SHC4: variants seen among roughly 807,000 people sequenced by gnomAD.
The protein encoded by SHC4 is SHC adaptor protein 4, also known as SHC-transforming protein 4.
In SHC4, 41 loss-of-function variants were observed where a neutral mutation model predicts 69.4. That is an observed-to-expected ratio of 0.59 (90% CI 0.46 to 0.77). The LOEUF is 0.77. SHC4 is among the 30% of genes least tolerant of loss of function. The pLI is 0.00. For synonymous variants in SHC4, 318 were observed against 299.3 expected (o/e 1.06, Z -0.64); for missense variants, 777 against 783.8 (o/e 0.99, Z 0.10).
At chr15:48,949,349 C>G (rs953885488) in intron 1 of SHC4, among the ~76,000 whole-genome samples, 1 of 144,884 alleles carries the variant, frequency 6.9e-6, no homozygotes, top group Non-Finnish European at 1.5e-5. Flanking sequence ...CCAGCCTGGG[C>G]GACAGAGTGA....
At position 48,872,207 on chromosome 15, in the gene SHC4, C is replaced by T. The variant is rs1899690714; in HGVS notation, c.841-65G>A. ...TTATTTCTAGTTATATACAGTCTAA[C>T]AGTAATAGACATACATTTGTTTGTT... On this transcript the variant is annotated intron_variant, in intron 4 of 11. Coordinates refer to ENST00000332408, the MANE Select transcript of SHC4 (RefSeq NM_203349.4). 3 of 953,570 alleles carry T rather than the reference C, an allele frequency of 3.1e-6. No homozygotes were observed. The African/African-American group carries it at 5.2e-5, about 16-fold the overall frequency. The allele number at this position is 953,570 out of a possible 1,614,324, so 59.1% of individuals were successfully genotyped here. A position where few individuals can be genotyped will look rare whatever the true frequency, so the allele number is the denominator to read the frequency against.
intron 1 of SHC4, among the ~76,000 whole-genome samples, chr15:48,959,519 C>A (rs1431463948): frequency 6.6e-6 from 1 of 152,128 alleles, no homozygotes; most frequent in Non-Finnish European, 1.5e-5. Flanking sequence ...GAGGAGCAGT[C>A]ACATGATATG....
At chr15:48,885,996 C>T (rs1471186107) in intron 3 of SHC4, among the ~76,000 whole-genome samples, 1 of 152,198 alleles carries the variant, frequency 6.6e-6, no homozygotes, top group African/African-American at 2.4e-5. Flanking sequence ...CGGTGGCTCA[C>T]GCCTGTAATC....
chr15:48,828,698 T>A (rs555462125), intron 11 of SHC4, among the ~76,000 whole-genome samples: 1 of 152,310 alleles, frequency 6.6e-6, no homozygotes, highest in South Asian at 2.1e-4. Flanking sequence ...ATAATGGCCA[T>A]CTTAACAAGT....
intron 3 of SHC4, among the ~76,000 whole-genome samples, chr15:48,887,790 A>C (rs1900062162): frequency 6.6e-6 from 1 of 152,218 alleles, no homozygotes; most frequent in Non-Finnish European, 1.5e-5. Flanking sequence ...AAAGACTCAA[A>C]TTACTAAAAT....
chr15:48,850,669 T>C (rs1383004205), intron 9 of SHC4, among the ~76,000 whole-genome samples: 1 of 152,226 alleles, frequency 6.6e-6, no homozygotes, highest in East Asian at 1.9e-4. Flanking sequence ...AAAAGTTTTG[T>C]CCAACATCAA....
intron 10 of SHC4, among the ~76,000 whole-genome samples, chr15:48,841,071 A>T (rs927615295): frequency 5.9e-5 from 9 of 152,212 alleles, no homozygotes; most frequent in African/African-American, 2.2e-4. Flanking sequence ...ACAAAAGGCA[A>T]AGTTCCTTTG....
intron 1 of SHC4, among the ~76,000 whole-genome samples, chr15:48,940,389 C>T (rs1901153128): frequency 6.6e-6 from 1 of 152,196 alleles, no homozygotes; most frequent in South Asian, 2.1e-4. Context: ...CCTAAAATCA[C>T]ACAAATCTGA....
chr15:48,877,707 A>T (rs1399531515), intron 4 of SHC4: 1 of 352,432 alleles, frequency 2.8e-6, no homozygotes, highest in Non-Finnish European at 4.0e-6. Context: ...CACTAAAAGG[A>T]CAAAATGGAT....
chr15:48,920,935 A>G (rs946436418), intron 2 of SHC4, among the ~76,000 whole-genome samples: 21 of 151,882 alleles, frequency 1.4e-4, no homozygotes, highest in African/African-American at 4.4e-4. Context: ...GAAGAAGAAG[A>G]AGGAGGAGAA....
chr15:48,952,648 T>G (rs759197174), intron 1 of SHC4, among the ~76,000 whole-genome samples: 3 of 152,176 alleles, frequency 2.0e-5, no homozygotes, highest in Non-Finnish European at 4.4e-5. Context: ...AAAGAAGACA[T>G]CCATGTGGCC....
At chr15:48,865,866 C>T (rs1246802121) in intron 6 of SHC4, among the ~76,000 whole-genome samples, 1 of 152,212 alleles carries the variant, frequency 6.6e-6, no homozygotes, top group Non-Finnish European at 1.5e-5. Flanking sequence ...CAGGGGCTTT[C>T]AAAGTGAATG....
chr15:48,962,199 C>G (rs1016012076), intron 1 of SHC4, among the ~76,000 whole-genome samples: 2 of 152,182 alleles, frequency 1.3e-5, no homozygotes, highest in Admixed American at 1.3e-4. Context: ...AGTTCATGTC[C>G]TACAAGTTAG....
At chr15:48,912,258 T>A (rs552282260) in intron 2 of SHC4, among the ~76,000 whole-genome samples, 1 of 152,252 alleles carries the variant, frequency 6.6e-6, no homozygotes, top group Admixed American at 6.5e-5. Context: ...ATCCCAGACT[T>A]CTTGGAGGCT....
rs748988045 is a variant in SHC4, at chr15:48,924,962, GA to G, written c.586-14del. The G allele has an allele frequency of 5.0e-6, 8 of 1,611,398 alleles. No homozygotes were observed. In the Admixed American group the frequency reaches 1.0e-4, roughly 20 times the overall value. ...CACAGCCCATGTACTACAATAAGAA[GA>G]AAAAAAAGAAGAAGTAGGACAAAAA... On this transcript the variant is annotated splice_polypyrimidine_tract_variant and intron_variant, in intron 1 of 11. Coordinates refer to ENST00000332408, the MANE Select transcript of SHC4 (RefSeq NM_203349.4).
At position 48,962,937 on chromosome 15, in the gene SHC4, T is replaced by G; in HGVS notation, c.79A>C (p.Arg27=). ...GLFGHPGMLH[R]AKYSRFRNES... Reference sequence around the variant, plus strand: ...TTCCGAAAGCGGCTGTACTTGGCCCTGTGCAGCATCCCGGGGTGCCCGAAG... The same window carrying G: ...TTCCGAAAGCGGCTGTACTTGGCCCGGTGCAGCATCCCGGGGTGCCCGAAG... Residue 27 remains arginine (R), a synonymous_variant, in exon 1 of 12, where the codon AGG becomes CGG. Transcript: ENST00000332408. 6.2e-7 allele frequency: 1 copy of G among 1,613,248 alleles called. No individual in the cohort carries two copies. Among genetic ancestry groups the G allele is most frequent in the Non-Finnish European group, 8.5e-7 (1 of 1,180,016 alleles).
chr15:48,827,707 C>A (rs571395817), intron 11 of SHC4, among the ~76,000 whole-genome samples: 1 of 152,090 alleles, frequency 6.6e-6, no homozygotes, highest in African/African-American at 2.4e-5. Context: ...CTGAATGCCC[C>A]GTATGCTTTA....
intron 4 of SHC4, chr15:48,878,446 C>T (rs1268852780): frequency 5.0e-6 from 8 of 1,612,858 alleles, no homozygotes; most frequent in Non-Finnish European, 6.8e-6. Context: ...AGGTGGCGGG[C>T]GCAGACTTCG....
intron 2 of SHC4, among the ~76,000 whole-genome samples, chr15:48,903,336 G>A (rs1451356573): frequency 6.6e-6 from 1 of 152,168 alleles, no homozygotes; most frequent in Non-Finnish European, 1.5e-5. Context: ...ATCTCTGGAT[G>A]AGATTAGTTT....
Sources: allele counts gnomAD v4.1 joint callset (sites outside exome capture counted in the v4.1 genomes callset), GRCh38; gene constraint gnomAD v4.1.1; transcripts MANE v1.5; gene names NCBI Gene and HGNC (gene_info 2026-07-23, HGNC 2026-07-21).